The following CNOT6 variants were observed in gnomAD, a reference collection of about 807,000 sequenced individuals.
CNOT6 encodes the protein carbon catabolite repression 4 protein.
A neutral mutation model predicts 61.2 loss-of-function variants in CNOT6; 12 were observed. That is an observed-to-expected ratio of 0.20 (90% CI 0.13 to 0.32). The LOEUF (loss-of-function observed/expected upper bound fraction) is 0.32, where lower values mean the gene tolerates loss of function less well. CNOT6 is among the 10% of genes least tolerant of loss of function. CNOT6 has a pLI of 1.00. For synonymous variants in CNOT6, 225 were observed against 240.6 expected, an observed-to-expected ratio of 0.94 and a Z score of 0.60; for missense variants, 405 against 663.9, an observed-to-expected ratio of 0.61 and a Z score of 4.28.
chr5:180,500,070 C>T (rs1272377832), intron 1 of CNOT6, among the ~76,000 whole-genome samples: 1 of 152,020 alleles, frequency 6.6e-6, no homozygotes, highest in Admixed American at 6.6e-5. Context: ...GTATCAATCA[C>T]AGTGGAACAA....
In CNOT6 at chr5:180,577,647, TC is replaced by T. The variant is rs1164641813; in HGVS notation, c.*3448del. The T allele has an allele frequency of 6.5e-6, 1 of 152,678 alleles. No homozygotes were observed. The highest frequency in any genetic ancestry group is 1.5e-5 in the Non-Finnish European group (1 of 68,050). The allele number at this position is 152,678 out of a possible 1,614,324, so 9.5% of individuals were successfully genotyped here. A position where few individuals can be genotyped will look rare whatever the true frequency, so the allele number is the denominator to read the frequency against. On this transcript the variant is annotated 3_prime_UTR_variant, in exon 12 of 12. Coordinates refer to ENST00000261951, the MANE Select transcript of CNOT6 (RefSeq NM_001370472.1). ...TATGTTGAAGTAGTGTCTAAAAGTATCTAGTCTTTATTCACAGTACATTATA... is the reference window on the plus strand; with the variant it reads ...TATGTTGAAGTAGTGTCTAAAAGTATTAGTCTTTATTCACAGTACATTATA...
intron 2 of CNOT6, chr5:180,534,702 G>A (rs1463377358): frequency 3.4e-5 from 4 of 115,956 alleles, no homozygotes; most frequent in East Asian, 2.7e-4. Context: ...GGCATGGGCC[G>A]GAGTCCCTGG....
intron 1 of CNOT6, among the ~76,000 whole-genome samples, chr5:180,513,528 C>G (rs971272529): frequency 6.6e-6 from 1 of 151,394 alleles, no homozygotes; most frequent in Non-Finnish European, 1.5e-5. Context: ...CGCGTGCCAC[C>G]AGGCCCAGCT....
rs756489493 is a variant in CNOT6, at chr5:180,535,988, G to GTT, written c.112+6628_112+6629dup. ...TCATGTTCTTTGCCCACTTATTAGG[G>GTT]TTTTTTTTTTTTTTTTTTTTTTTTT... On this transcript the variant is annotated intron_variant, in intron 2 of 11. Transcript: ENST00000261951. 5.6e-3 allele frequency among the ~76,000 whole-genome samples: 349 copies of GTT among 62,498 alleles called. 51 individuals are homozygous for GTT. The highest frequency in any genetic ancestry group is 8.6e-3 in the East Asian group (13 of 1,520). The allele number at this position is 62,498 out of a possible 152,430, so 41.0% of individuals were successfully genotyped here.
chr5:180,567,025 A>G, intron 7 of CNOT6, 63 bp from the exon 8 acceptor site: 1 of 1,421,508 alleles, frequency 7.0e-7, no homozygotes, highest in Non-Finnish European at 9.6e-7. Flanking sequence ...AACTATACAT[A>G]GAAGTTAATA....
chr5:180,512,380 T>G (rs2127703632), intron 1 of CNOT6, among the ~76,000 whole-genome samples: 1 of 152,240 alleles, frequency 6.6e-6, no homozygotes, highest in South Asian at 2.1e-4. Context: ...AGGATGGCAG[T>G]TTGTCTGCCA....
At chr5:180,531,346 G>A (rs997360097) in intron 2 of CNOT6, among the ~76,000 whole-genome samples, 3 of 152,054 alleles carry the variant, frequency 2.0e-5, no homozygotes, top group African/African-American at 4.8e-5. Context: ...GTTCCCAGAC[G>A]GGGTCACGGC....
chr5:180,495,145 G>A (rs925853804), intron 1 of CNOT6, among the ~76,000 whole-genome samples: 4 of 152,364 alleles, frequency 2.6e-5, no homozygotes, highest in Admixed American at 6.5e-5. Context: ...CTCTGTGGGT[G>A]GCGCGCTGTG....
At chr5:180,516,267 G>A (rs1457532866) in intron 1 of CNOT6, among the ~76,000 whole-genome samples, 3 of 147,024 alleles carry the variant, frequency 2.0e-5, no homozygotes, top group Admixed American at 6.9e-5. Flanking sequence ...TGAAACCTCC[G>A]CCTCCCAGGT....
rs139424567 is a variant in CNOT6, at chr5:180,574,061, A to G, written c.1535A>G (p.His512Arg). The G allele has an allele frequency of 1.5e-3, 2,463 of 1,614,018 alleles. 6 individuals are homozygous for G. The highest frequency in any genetic ancestry group is 1.7e-3 in the Non-Finnish European group (1,991 of 1,179,940). ...TLGILGPLDH[H>R]WLVENNISGC... ...GGCATCCTGGGCCCTCTGGACCACCACTGGCTGGTTGAGAATAACATCAGT... is the reference window on the plus strand; with the variant it reads ...GGCATCCTGGGCCCTCTGGACCACCGCTGGCTGGTTGAGAATAACATCAGT... The change falls in exon 12 of 12, where the codon CAC (histidine) becomes CGC (arginine). Residue 512 changes from histidine (H) to arginine (R), a missense_variant. Around this residue, in one of 5 missense-constraint regions of CNOT6, gnomAD observed 52 missense variants for 69.3 expected, o/e 0.75. Coordinates refer to ENST00000261951, the MANE Select transcript of CNOT6 (RefSeq NM_001370472.1).
chr5:180,523,593 G>T (rs1269305339), intron 1 of CNOT6, among the ~76,000 whole-genome samples: 1 of 152,082 alleles, frequency 6.6e-6, no homozygotes, highest in African/African-American at 2.4e-5. Flanking sequence ...TGCTTTAAAT[G>T]TAACTTTTTC....
chr5:180,499,268 G>T (rs1458527760), intron 1 of CNOT6, among the ~76,000 whole-genome samples: 1 of 152,242 alleles, frequency 6.6e-6, no homozygotes, highest in East Asian at 1.9e-4. Flanking sequence ...ACTCATGAAA[G>T]TTCAGGTGTT....
intron 11 of CNOT6, among the ~76,000 whole-genome samples, chr5:180,572,276 A>T (rs1760787195): frequency 6.6e-6 from 1 of 151,826 alleles, no homozygotes; most frequent in South Asian, 2.1e-4. Flanking sequence ...TGCAACCTCC[A>T]CCTCCCAGGT....
chr5:180,503,511 T>C (rs10903256), intron 1 of CNOT6, among the ~76,000 whole-genome samples: 69,833 of 150,882 alleles, frequency 0.46, 17,255 homozygotes, highest in Non-Finnish European at 0.56. Context: ...GTGATGTGCC[T>C]GCTTCGGCAC....
chr5:180,500,727 A>G (rs57045036), intron 1 of CNOT6, among the ~76,000 whole-genome samples: 2,238 of 152,308 alleles, frequency 0.015, 46 homozygotes, highest in African/African-American at 0.051. Flanking sequence ...GTAACATGCT[A>G]CCTTTGTGGG....
chr5:180,539,510 AAAT>A (rs751916376), intron 2 of CNOT6, among the ~76,000 whole-genome samples: 2 of 142,644 alleles, frequency 1.4e-5, no homozygotes, highest in East Asian at 4.0e-4. Flanking sequence ...CAACTTATTA[AAAT>A]AATTTTTTTG....
At chr5:180,551,170 C>A (rs1759581095) in intron 3 of CNOT6, among the ~76,000 whole-genome samples, 1 of 150,972 alleles carries the variant, frequency 6.6e-6, no homozygotes, top group Admixed American at 6.6e-5. Flanking sequence ...ATAGCGAGAA[C>A]CTGGTCTCTA....
chr5:180,556,309 G>A (rs547075780), intron 4 of CNOT6, among the ~76,000 whole-genome samples: 13 of 152,266 alleles, frequency 8.5e-5, no homozygotes, highest in South Asian at 2.1e-4. Context: ...CAGAGGGTGC[G>A]CAGTTTCATT....
chr5:180,495,979 C>G (rs1156942031), intron 1 of CNOT6, among the ~76,000 whole-genome samples: 1 of 152,182 alleles, frequency 6.6e-6, no homozygotes, highest in Non-Finnish European at 1.5e-5. Flanking sequence ...TGGCACAGTT[C>G]TCGGCTCACT....
Sources: allele counts gnomAD v4.1 joint callset (sites outside exome capture counted in the v4.1 genomes callset), GRCh38; gene constraint gnomAD v4.1.1; regional missense constraint gnomAD v4.1.1; transcripts MANE v1.5; gene names NCBI Gene and HGNC (gene_info 2026-07-23, HGNC 2026-07-21).